NRG3: variants seen among roughly 807,000 people sequenced by gnomAD.
NRG3 encodes pro-neuregulin-3, membrane-bound isoform.
A neutral mutation model predicts 66.9 loss-of-function variants in NRG3; 31 were observed. The observed-to-expected ratio is 0.46, with a 90% CI of 0.35 to 0.63. The LOEUF (loss-of-function observed/expected upper bound fraction) is 0.63. NRG3 is among the 20% of genes least tolerant of loss of function. The pLI is 0.00. For missense variants in NRG3, 910 were observed against 878.9 expected, an observed-to-expected ratio of 1.04 and a Z score of -0.45; for synonymous variants, 393 against 359.4, an observed-to-expected ratio of 1.09 and a Z score of -1.06.
At chr10:82,703,070 C>T (rs1336935074) in intron 2 of NRG3, among the ~76,000 whole-genome samples, 1 of 151,512 alleles carries the variant, frequency 6.6e-6, no homozygotes, top group Non-Finnish European at 1.5e-5. Flanking sequence ...CTCTCTCTCT[C>T]GCTCACTCTC....
At chr10:82,680,658 A>G (rs17100481) in intron 2 of NRG3, among the ~76,000 whole-genome samples, 4,979 of 152,228 alleles carry the variant, frequency 0.033, 304 homozygotes, top group African/African-American at 0.11. Context: ...TGATCATGCT[A>G]TGAGCCGACA....
chr10:81,923,616 A>C (rs1479136403), intron 1 of NRG3, among the ~76,000 whole-genome samples: 1 of 152,132 alleles, frequency 6.6e-6, no homozygotes, highest in East Asian at 1.9e-4. Context: ...CACACTCCTA[A>C]GAGACACTTG....
intron 1 of NRG3, among the ~76,000 whole-genome samples, chr10:82,152,025 G>C (rs1319619806): frequency 6.6e-6 from 1 of 152,178 alleles, no homozygotes; most frequent in Non-Finnish European, 1.5e-5. Flanking sequence ...ACTCAGCTAA[G>C]TTGGAAATCA....
intron 1 of NRG3, among the ~76,000 whole-genome samples, chr10:82,182,964 T>G (rs73304605): frequency 0.096 from 14,612 of 151,990 alleles, 990 homozygotes; most frequent in East Asian, 0.22. Flanking sequence ...GACTGCAAGG[T>G]TTCTGCTGAG....
intron 4 of NRG3, among the ~76,000 whole-genome samples, chr10:82,887,202 A>G (rs1249859376): frequency 6.6e-6 from 1 of 152,130 alleles, no homozygotes; most frequent in African/African-American, 2.4e-5. Context: ...CAGCTCAGAG[A>G]TTAGGATAGA....
Position 81,910,183 on chromosome 10 carries a change from TC to T in NRG3, c.823+34022del, listed in dbSNP as rs548194852. On this transcript the variant is annotated intron_variant, in intron 1 of 8. Coordinates refer to ENST00000372141, the MANE Select transcript of NRG3 (RefSeq NM_001010848.4). ...CAGTGGCTGTGAGTCACCTACTCTT[TC>T]CTTTCACATAATCTATTTCTTGCTG... Among the ~76,000 whole-genome samples, 177 of 152,336 alleles carry T rather than the reference TC, an allele frequency of 1.2e-3. 1 individual carries two copies. The highest frequency in any genetic ancestry group is 0.01 in the Middle Eastern group (3 of 294).
At chr10:82,841,304 T>G (rs2063046212) in intron 3 of NRG3, among the ~76,000 whole-genome samples, 1 of 152,200 alleles carries the variant, frequency 6.6e-6, no homozygotes. Flanking sequence ...TTAAGCCATT[T>G]GGTTTATAGT....
Position 82,502,661 on chromosome 10 carries a change from A to G in NRG3, c.953+143793A>G, listed in dbSNP as rs558052657. Among the ~76,000 whole-genome samples the G allele has an allele frequency of 1.5e-4, 23 of 152,282 alleles. No homozygotes were observed. The South Asian group carries it at 4.6e-3, about 30-fold the overall frequency. Reference sequence around the variant, plus strand: ...CTTTTTAAGTGAGTGACTTTCGAAGAGTTACAAATTTCTTTGTGCCTCAGT... The same window carrying G: ...CTTTTTAAGTGAGTGACTTTCGAAGGGTTACAAATTTCTTTGTGCCTCAGT... On this transcript the variant is annotated intron_variant, in intron 2 of 8. Transcript: ENST00000372141.
At chr10:82,823,703 A>C (rs1295827224) in intron 3 of NRG3, among the ~76,000 whole-genome samples, 2 of 152,114 alleles carry the variant, frequency 1.3e-5, no homozygotes, top group Non-Finnish European at 2.9e-5. Flanking sequence ...CAGCTGGTAG[A>C]CACAGGGACC....
intron 1 of NRG3, among the ~76,000 whole-genome samples, chr10:81,930,145 G>A (rs753332028): frequency 6.6e-6 from 1 of 152,114 alleles, no homozygotes; most frequent in Non-Finnish European, 1.5e-5. Flanking sequence ...TGCAGTCACT[G>A]CCCAGGGTGC....
rs183334154 is a variant in NRG3, at chr10:82,278,827, C to T, written c.824-79912C>T. 5.2e-3 allele frequency among the ~76,000 whole-genome samples: 789 copies of T among 152,196 alleles called. 14 individuals carry two copies. Among genetic ancestry groups the T allele is most frequent in the Admixed American group, 0.036 (551 of 15,278 alleles). On this transcript the variant is annotated intron_variant, in intron 1 of 8. Transcript: ENST00000372141. ...AAAGTATTAGAAGTCGTGGCCACCTCCTCACGGAGCTCTCTTATTTCCTCT... is the reference window on the plus strand; with the variant it reads ...AAAGTATTAGAAGTCGTGGCCACCTTCTCACGGAGCTCTCTTATTTCCTCT...
At chr10:82,359,255 T>A (rs2083971353) in intron 2 of NRG3, among the ~76,000 whole-genome samples, 2 of 152,224 alleles carry the variant, frequency 1.3e-5, no homozygotes, top group African/African-American at 4.8e-5. Flanking sequence ...AGAAGCAAAC[T>A]GCTCATCTAA....
At chr10:82,797,398 C>G (rs186979117) in intron 3 of NRG3, among the ~76,000 whole-genome samples, 1 of 152,328 alleles carries the variant, frequency 6.6e-6, no homozygotes, top group Admixed American at 6.5e-5. Flanking sequence ...CCATACTTGA[C>G]TATCCAGGTG....
intron 1 of NRG3, among the ~76,000 whole-genome samples, chr10:82,350,765 G>A (rs1172133899): frequency 6.6e-6 from 1 of 152,170 alleles, no homozygotes; most frequent in African/African-American, 2.4e-5. Flanking sequence ...AGCCTTCTCT[G>A]ATGGCTTGTG....
At chr10:82,669,920 T>A (rs2053127102) in intron 2 of NRG3, among the ~76,000 whole-genome samples, 1 of 149,438 alleles carries the variant, frequency 6.7e-6, no homozygotes. Flanking sequence ...AGAGAGAGAC[T>A]CTGTCTCAAA....
intron 1 of NRG3, among the ~76,000 whole-genome samples, chr10:82,195,884 G>A (rs1354088059): frequency 6.6e-6 from 1 of 152,172 alleles, no homozygotes; most frequent in Non-Finnish European, 1.5e-5. Flanking sequence ...TGCAGATGAA[G>A]GAATGTAGGC....
intron 1 of NRG3, among the ~76,000 whole-genome samples, chr10:82,074,494 A>G (rs2064984558): frequency 6.6e-6 from 1 of 152,222 alleles, no homozygotes; most frequent in Non-Finnish European, 1.5e-5. Flanking sequence ...ACTATAACAC[A>G]GCAGTATTGG....
intron 1 of NRG3, among the ~76,000 whole-genome samples, chr10:82,213,146 G>A (rs1329515837): frequency 6.6e-6 from 1 of 152,160 alleles, no homozygotes; most frequent in African/African-American, 2.4e-5. Context: ...CTTACTTGTA[G>A]TCAGAGCACT....
At chr10:82,129,061 T>C (rs1256865959) in intron 1 of NRG3, among the ~76,000 whole-genome samples, 2 of 151,946 alleles carry the variant, frequency 1.3e-5, no homozygotes, top group Non-Finnish European at 2.9e-5. Flanking sequence ...TACAGATGCC[T>C]GCCACCATGC....
Sources: allele counts gnomAD v4.1 joint callset (sites outside exome capture counted in the v4.1 genomes callset), GRCh38; gene constraint gnomAD v4.1.1; transcripts MANE v1.5; gene names NCBI Gene and HGNC (gene_info 2026-07-23, HGNC 2026-07-21).